Variants in DAPK1 observed in about 807,000 individuals in gnomAD.
DAPK1 encodes the protein death-associated protein kinase 1.
In DAPK1, 56 loss-of-function variants were observed where a neutral mutation model predicts 144.9. That is an observed-to-expected ratio of 0.39 (90% CI 0.31 to 0.48). DAPK1 has a LOEUF of 0.48. DAPK1 is among the 20% of genes least tolerant of loss of function. The pLI is 0.95. For synonymous variants in DAPK1, 690 were observed against 749.0 expected (o/e 0.92, Z 1.29); for missense variants, 1,454 against 1,875.4 (o/e 0.78, Z 4.15).
At chr9:87,562,823 A>C (rs1826979568) in intron 2 of DAPK1, among the ~76,000 whole-genome samples, 1 of 152,256 alleles carries the variant, frequency 6.6e-6, no homozygotes, top group Non-Finnish European at 1.5e-5. Flanking sequence ...ATTGAAGCAA[A>C]AGTCTGCTGC....
intron 3 of DAPK1, chr9:87,633,429 A>G (rs2119105641): frequency 4.1e-6 from 4 of 970,578 alleles, no homozygotes; most frequent in Non-Finnish European, 4.9e-6. Flanking sequence ...TGGGATAGGG[A>G]CTCTCCTAAC....
intron 18 of DAPK1, among the ~76,000 whole-genome samples, chr9:87,666,744 G>A (rs1831069669): frequency 6.6e-6 from 1 of 152,084 alleles, no homozygotes; most frequent in South Asian, 2.1e-4. Context: ...AAAATGCTAG[G>A]ATTACAGGCA....
intron 2 of DAPK1, among the ~76,000 whole-genome samples, chr9:87,602,674 C>A (rs1377624679): frequency 6.6e-6 from 1 of 151,918 alleles, no homozygotes; most frequent in African/African-American, 2.4e-5. Context: ...TGCTCTGTCA[C>A]CCAGGCTGGA....
At chr9:87,578,948 G>A (rs752006049) in intron 2 of DAPK1, among the ~76,000 whole-genome samples, 3 of 152,130 alleles carry the variant, frequency 2.0e-5, no homozygotes, top group Non-Finnish European at 4.4e-5. Flanking sequence ...CTAATGTTTT[G>A]TACCATTTAG....
intron 2 of DAPK1, among the ~76,000 whole-genome samples, chr9:87,600,973 C>T (rs903439290): frequency 1.3e-5 from 2 of 152,110 alleles, no homozygotes; most frequent in Admixed American, 6.6e-5. Context: ...TGAGGGCACA[C>T]GATTTAGGAA....
chr9:87,703,877 C>T (rs1825544430), intron 25 of DAPK1, among the ~76,000 whole-genome samples: 2 of 152,184 alleles, frequency 1.3e-5, no homozygotes, highest in South Asian at 4.1e-4. Flanking sequence ...GGGGGCAGTG[C>T]CTTCGTGTTT....
At chr9:87,607,428 C>T (rs1428811411) in intron 3 of DAPK1, among the ~76,000 whole-genome samples, 4 of 152,198 alleles carry the variant, frequency 2.6e-5, no homozygotes, top group Non-Finnish European at 5.9e-5. Context: ...TCATTTCATA[C>T]TAAAATATTT....
chr9:87,661,426 T>C (rs184995336), intron 18 of DAPK1, among the ~76,000 whole-genome samples: 31 of 152,342 alleles, frequency 2.0e-4, no homozygotes, highest in Non-Finnish European at 2.8e-4. Context: ...GTTGTACTAA[T>C]TTACATACCC....
intron 16 of DAPK1, 75 bp from the exon 17 acceptor site, chr9:87,651,452 C>T (rs1314904263): frequency 7.0e-6 from 10 of 1,430,902 alleles, no homozygotes; most frequent in African/African-American, 5.6e-5. Flanking sequence ...CACTCGATGG[C>T]GGCAGAAAAG....
rs768762225 is a variant in DAPK1, at chr9:87,697,149, A to C, written c.2556A>C (p.Gln852His). The change falls in exon 22 of 26, where the codon CAA becomes CAC. Residue 852 changes from glutamine (Q) to histidine (H), a missense_variant. By Grantham distance (24) the Gln-to-His change is conservative. Transcript: ENST00000408954. ...LEEPYEIQLN[Q>H]VIFWLSFLKS... ...AGCCCTATGAGATCCAGCTGAACCA[A>C]GTGATTTTCTGGCTCAGTTTCCTGA... 1 of 1,587,614 alleles carries C rather than the reference A, an allele frequency of 6.3e-7. No homozygotes were observed. Among genetic ancestry groups the C allele is most frequent in the Non-Finnish European group, 8.7e-7 (1 of 1,155,802 alleles).
intron 11 of DAPK1, among the ~76,000 whole-genome samples, chr9:87,643,728 A>C (rs915882058): frequency 6.6e-6 from 1 of 152,098 alleles, no homozygotes; most frequent in South Asian, 2.1e-4. Flanking sequence ...CGATGCAAAC[A>C]TAAGCACAGA....
chr9:87,667,665 T>C (rs1485112951), intron 18 of DAPK1: 1 of 152,222 alleles, frequency 6.6e-6, no homozygotes. Flanking sequence ...GATGCAACTT[T>C]GTTATTGATA....
intron 2 of DAPK1, among the ~76,000 whole-genome samples, chr9:87,541,542 C>CT (rs1321298024): frequency 1.6e-5 from 2 of 127,008 alleles, no homozygotes; most frequent in Non-Finnish European, 3.3e-5. Flanking sequence ...GAGCAAGACT[C>CT]TGTCTGGAAA....
At chr9:87,663,918 G>A (rs1830958903) in intron 18 of DAPK1, among the ~76,000 whole-genome samples, 1 of 151,926 alleles carries the variant, frequency 6.6e-6, no homozygotes, top group Non-Finnish European at 1.5e-5. Flanking sequence ...CTAGCCGGCA[G>A]CCTACTAAGT....
At chr9:87,651,499 T>G in intron 16 of DAPK1, 28 bp from the exon 17 acceptor site, 1 of 1,611,388 alleles carries the variant, frequency 6.2e-7, no homozygotes, top group Non-Finnish European at 8.5e-7. Context: ...AGTGAAAAGC[T>G]CTCATGATCT....
chr9:87,601,868 G>A (rs1828532954), intron 2 of DAPK1, among the ~76,000 whole-genome samples: 2 of 152,148 alleles, frequency 1.3e-5, no homozygotes, highest in African/African-American at 4.8e-5. Context: ...AGAACACTTT[G>A]TCTAACTCCT....
rs1340533125 is a variant in DAPK1 at position 87,651,567 on chromosome 9, A to G, written c.1667A>G (p.Gln556Arg). 1 of 1,614,100 alleles carries G rather than the reference A, an allele frequency of 6.2e-7. No homozygotes were observed. ...IALHLAVRRC[Q>R]MEVIKTLLSQ... ...CTTCATCTGGCTGTAAGACGGTGTC[A>G]GATGGAGGTAATCAAGACTCTCCTC... is the stretch of plus-strand genomic sequence containing the variant. Residue 556 changes from glutamine to arginine, a missense_variant, in exon 17 of 26, where the codon CAG becomes CGG. Gln to Arg is a conservative substitution (Grantham distance 43). Around this residue, in one of 2 missense-constraint regions of DAPK1, gnomAD observed 1,025 missense variants for 1,237.9 expected, o/e 0.83. Transcript: ENST00000408954.
intron 2 of DAPK1, among the ~76,000 whole-genome samples, chr9:87,591,962 C>T (rs748549754): frequency 9.2e-5 from 14 of 152,196 alleles, no homozygotes; most frequent in Non-Finnish European, 2.1e-4. Context: ...TGGTGATACA[C>T]GTGTAACTAG....
At chr9:87,568,396 G>T (rs1292791214) in intron 2 of DAPK1, among the ~76,000 whole-genome samples, 1 of 152,228 alleles carries the variant, frequency 6.6e-6, no homozygotes, top group Admixed American at 6.5e-5. Flanking sequence ...TGTGATCAGT[G>T]GATTAAAGCA....
Sources: allele counts gnomAD v4.1 joint callset (sites outside exome capture counted in the v4.1 genomes callset), GRCh38; gene constraint gnomAD v4.1.1; regional missense constraint gnomAD v4.1.1; transcripts MANE v1.5; gene names NCBI Gene and HGNC (gene_info 2026-07-23, HGNC 2026-07-21).